The following DAAM2 variants were observed in gnomAD, a reference collection of about 807,000 sequenced individuals.
DAAM2 encodes the protein dishevelled associated activator of morphogenesis 2, also known as disheveled-associated activator of morphogenesis 2.
A neutral mutation model predicts 120.7 loss-of-function variants in DAAM2; 39 were observed. The ratio of observed to expected loss-of-function variants is 0.32; its 90% CI spans 0.25 to 0.42. DAAM2 has a LOEUF of 0.42. DAAM2 is among the 10% of genes least tolerant of loss of function. DAAM2 has a pLI of 1.00. For synonymous variants in DAAM2, 488 were observed against 524.9 expected, an observed-to-expected ratio of 0.93 and a Z score of 0.96; for missense variants, 1,283 against 1,401.7, an observed-to-expected ratio of 0.92 and a Z score of 1.35.
At chr6:39,868,029 A>G (rs1309476092) in intron 6 of DAAM2, 186 bp downstream of exon 6, 2 of 606,728 alleles carry the variant, frequency 3.3e-6, no homozygotes, top group Non-Finnish European at 5.8e-6. Flanking sequence ...ATAAAAACAC[A>G]TGCAGGGCCT....
chr6:39,836,255 C>G (rs1369104873), intron 1 of DAAM2, among the ~76,000 whole-genome samples: 1 of 152,088 alleles, frequency 6.6e-6, no homozygotes, highest in African/African-American at 2.4e-5. Context: ...TTCATTCATA[C>G]TTTGGTGTTC....
At position 39,856,579 on chromosome 6, in the gene DAAM2, C is replaced by A. The variant is rs559739939; in HGVS notation, c.168+109C>A. 28 of 914,024 alleles carry A rather than the reference C, an allele frequency of 3.1e-5. No homozygotes were observed. In the African/African-American group the frequency reaches 4.5e-4, roughly 15 times the overall value. The allele number at this position is 914,024 out of a possible 1,614,324, so 56.6% of individuals were successfully genotyped here. A position where few individuals can be genotyped will look rare whatever the true frequency, so the allele number is the denominator to read the frequency against. On this transcript the variant is annotated intron_variant, in intron 2 of 24. Coordinates refer to ENST00000274867, the MANE Select transcript of DAAM2 (RefSeq NM_001201427.2). ...GTGCTGGGGTCTCCATCTCTCAAAA[C>A]TCCTCTTGGGAGGAGATAGGCCCCC... is the stretch of plus-strand genomic sequence containing the variant.
intron 5 of DAAM2, chr6:39,867,216 G>A: frequency 2.5e-6 from 1 of 393,718 alleles, no homozygotes; most frequent in Non-Finnish European, 4.8e-6. Context: ...GAGTGTTCAG[G>A]TTTAACAGCT....
chr6:39,869,729 T>TTTCCCC (rs1332749729), intron 7 of DAAM2, among the ~76,000 whole-genome samples: 1 of 150,712 alleles, frequency 6.6e-6, no homozygotes, highest in East Asian at 1.9e-4. Context: ...TGATCTTTAC[T>TTTCCCC]TTCCCCTCTT....
At chr6:39,802,834 C>T (rs541113037) in intron 1 of DAAM2, among the ~76,000 whole-genome samples, 6 of 152,172 alleles carry the variant, frequency 3.9e-5, no homozygotes, top group African/African-American at 1.2e-4. Context: ...ACTGAACATC[C>T]ACCACCCCAG....
rs1766388070 is a variant in DAAM2, at chr6:39,900,128, CCT to C, written c.2732_2733del (p.Pro911ArgfsTer22). The C allele has an allele frequency of 6.2e-7, 1 of 1,601,594 alleles. No homozygotes were observed. The highest frequency in any genetic ancestry group is 8.5e-7 in the Non-Finnish European group (1 of 1,174,330). On this transcript the variant is annotated frameshift_variant, in exon 23 of 25. Transcript: ENST00000274867. LOFTEE classifies it high-confidence loss of function. ...QVREPSDKFV[P>X]VMSDFITVSS... is the part of the protein sequence containing the mutation. ...ACGGGAGCCCAGTGACAAGTTTGTC[CCT>C]GTCATGAGCGACTTCATCACGGTGT...
rs139914190 is a variant in DAAM2 at position 39,838,147 on chromosome 6, A to T, written c.-56-18100A>T. Among the ~76,000 whole-genome samples the T allele has an allele frequency of 5.8e-3, 887 of 152,284 alleles. 28 individuals carry two copies. The highest frequency in any genetic ancestry group is 2.5e-3 in the South Asian group (12 of 4,826). On this transcript the variant is annotated intron_variant, in intron 1 of 24. Coordinates refer to ENST00000274867, the MANE Select transcript of DAAM2 (RefSeq NM_001201427.2). ...GGCTCTAGGCACAGTGTTGCCAGCA[A>T]CTAGCAATCTGACCTCACCTGGTTG...
intron 15 of DAAM2, chr6:39,886,286 T>C: frequency 2.5e-6 from 1 of 397,302 alleles, no homozygotes; most frequent in East Asian, 3.6e-5. Flanking sequence ...TCTACAACCA[T>C]GGGTCTCACT....
Position 39,864,507 on chromosome 6 carries a change from G to A in DAAM2, c.333G>A (p.Ala111=), listed in dbSNP as rs760045162. The A allele has an allele frequency of 1.9e-6, 3 of 1,608,120 alleles. No individual in the cohort carries two copies. The highest frequency in any genetic ancestry group is 2.5e-6 in the Non-Finnish European group (3 of 1,178,146). ...YYIDRINSMA[A]MQSLYAFDEE... Reference sequence around the variant, plus strand: ...TCGACCGCATCAATTCCATGGCTGCGGTGAGTGGCTGCCCCTCTCCTGCCC... The same window carrying A: ...TCGACCGCATCAATTCCATGGCTGCAGTGAGTGGCTGCCCCTCTCCTGCCC... Residue 111 remains alanine, a splice_region_variant and synonymous_variant, in exon 4 of 25, where the codon GCG becomes GCA. Transcript: ENST00000274867.
intron 1 of DAAM2, among the ~76,000 whole-genome samples, 193 bp downstream of exon 1, chr6:39,792,658 C>T (rs1387780357): frequency 6.6e-6 from 1 of 152,188 alleles, no homozygotes; most frequent in Non-Finnish European, 1.5e-5. Flanking sequence ...CCGGAGTGGG[C>T]TCCCAGGGCC....
chr6:39,895,254 G>A (rs200550650), intron 19 of DAAM2, among the ~76,000 whole-genome samples: 1 of 56,616 alleles, frequency 1.8e-5, no homozygotes, highest in South Asian at 7.4e-4. Context: ...TTATTTATTT[G>A]AGACGGAGCC....
chr6:39,842,351 G>A (rs1009445924), intron 1 of DAAM2, among the ~76,000 whole-genome samples: 2 of 152,170 alleles, frequency 1.3e-5, no homozygotes, highest in African/African-American at 4.8e-5. Flanking sequence ...CATACACGTG[G>A]CCAGGTGAGA....
intron 5 of DAAM2, among the ~76,000 whole-genome samples, chr6:39,865,795 A>G (rs1315036289): frequency 2.0e-5 from 3 of 152,248 alleles, no homozygotes; most frequent in Non-Finnish European, 4.4e-5. Context: ...TTATATCAAA[A>G]CAAAGGTAAT....
chr6:39,802,426 G>A (rs1310124804), intron 1 of DAAM2, among the ~76,000 whole-genome samples: 7 of 152,108 alleles, frequency 4.6e-5, no homozygotes, highest in Non-Finnish European at 8.8e-5. Flanking sequence ...TGGAGGTAAA[G>A]TTAATACATT....
At chr6:39,860,564 GAC>G (rs1764169269) in intron 2 of DAAM2, among the ~76,000 whole-genome samples, 2 of 152,342 alleles carry the variant, frequency 1.3e-5, no homozygotes, top group South Asian at 4.1e-4. Context: ...GCTTAAGAAT[GAC>G]AAGGGATGGA....
chr6:39,871,516 T>G lies in DAAM2; in HGVS notation c.988T>G (p.Phe330Val). The G allele has an allele frequency of 1.3e-6, 2 of 1,551,678 alleles. No individual in the cohort carries two copies. Among genetic ancestry groups the G allele is most frequent in the Non-Finnish European group, 1.7e-6 (2 of 1,147,024 alleles). The change falls in exon 9 of 25, where the codon TTC becomes GTC. Residue 330 changes from phenylalanine to valine, a missense_variant. By Grantham distance (50) the Phe-to-Val change is conservative (BLOSUM62 -1). Transcript: ENST00000274867. ...ENAILDKHLDFFEMVRNEDDL... is the reference protein window; with the variant it reads ...ENAILDKHLDVFEMVRNEDDL... ...CCCCATTCTGTCTAGACATTTAGAC[T>G]TCTTCGAGATGGTGCGGAATGAGGA...
intron 19 of DAAM2, among the ~76,000 whole-genome samples, chr6:39,894,714 G>A (rs1162742093): frequency 6.6e-6 from 1 of 152,020 alleles, no homozygotes; most frequent in Non-Finnish European, 1.5e-5. Flanking sequence ...TCTGCCTCCT[G>A]GGCTCAAGGT....
chr6:39,843,496 G>A (rs578004263), intron 1 of DAAM2, among the ~76,000 whole-genome samples: 10 of 152,360 alleles, frequency 6.6e-5, no homozygotes, highest in East Asian at 1.9e-4. Flanking sequence ...CAGCCAGGCC[G>A]CTCTTCCTGG....
At chr6:39,872,857 C>T (rs1198968916) in intron 9 of DAAM2, among the ~76,000 whole-genome samples, 7 of 152,098 alleles carry the variant, frequency 4.6e-5, no homozygotes, top group African/African-American at 1.4e-4. Context: ...AGCTCTCAAG[C>T]AGGGATGATT....
Sources: gnomAD v4.1 joint callset for allele counts (sites outside exome capture counted in the v4.1 genomes callset) on GRCh38, gnomAD v4.1.1 for gene constraint, MANE v1.5 for transcripts, NCBI Gene and HGNC (gene_info 2026-07-23, HGNC 2026-07-21) for gene names.